RSPO2: variants seen among roughly 807,000 people sequenced by gnomAD.
RSPO2 encodes R-spondin 2, also known as R-spondin-2.
A neutral mutation model predicts 30.9 loss-of-function variants in RSPO2; 14 were observed. That is an observed-to-expected ratio of 0.45 (90% CI 0.30 to 0.71). The LOEUF (loss-of-function observed/expected upper bound fraction) is 0.71. Ranked by LOEUF, RSPO2 falls within the 30% of genes least tolerant of loss-of-function variation. The probability of loss-of-function intolerance (pLI) is 0.08; values close to 1 mark genes in which losing one functional copy is unlikely to be tolerated. For synonymous variants in RSPO2, 107 were observed against 96.4 expected, an observed-to-expected ratio of 1.11 and a Z score of -0.64; for missense variants, 264 against 301.9, an observed-to-expected ratio of 0.87 and a Z score of 0.93.
At position 108,062,626 on chromosome 8, in the gene RSPO2, C is replaced by A. The variant is rs561676945; in HGVS notation, c.94+19919G>T. ...GGTACAAGGAGGAGTTGGTACCATTCCTTCTGAAACTATTCCAATCAACAG... is the reference window on the plus strand; with the variant it reads ...GGTACAAGGAGGAGTTGGTACCATTACTTCTGAAACTATTCCAATCAACAG... On this transcript the variant is annotated intron_variant, in intron 2 of 5. Transcript: ENST00000276659. Among the ~76,000 whole-genome samples, 5 of 151,944 alleles carry A rather than the reference C, an allele frequency of 3.3e-5. 1 individual carries two copies. The highest frequency in any genetic ancestry group is 1.2e-4 in the African/African-American group (5 of 41,258).
intron 2 of RSPO2, among the ~76,000 whole-genome samples, chr8:107,995,368 G>T (rs1024587013): frequency 3.3e-5 from 5 of 152,090 alleles, no homozygotes; most frequent in Non-Finnish European, 7.4e-5. Context: ...CTTTCCAAAT[G>T]CTCCTTTATA....
At chr8:107,925,844 G>C (rs1473505943) in intron 5 of RSPO2, among the ~76,000 whole-genome samples, 1 of 152,148 alleles carries the variant, frequency 6.6e-6, no homozygotes, top group African/African-American at 2.4e-5. Flanking sequence ...TTGCTATTGT[G>C]AGTAGTGCCA....
At chr8:107,942,700 A>G (rs2130379481) in intron 5 of RSPO2, among the ~76,000 whole-genome samples, 1 of 152,294 alleles carries the variant, frequency 6.6e-6, no homozygotes, top group South Asian at 2.1e-4. Context: ...TGCTTTTTCT[A>G]GTTGTTCATG....
chr8:108,051,595 G>C (rs4734169), intron 2 of RSPO2, among the ~76,000 whole-genome samples: 46,067 of 152,080 alleles, frequency 0.3, 7,814 homozygotes, highest in African/African-American at 0.46. Flanking sequence ...TGGGATATAA[G>C]ACATTGTGAA....
intron 2 of RSPO2, among the ~76,000 whole-genome samples, chr8:107,999,842 A>G (rs1257755359): frequency 6.6e-6 from 1 of 152,196 alleles, no homozygotes; most frequent in African/African-American, 2.4e-5. Flanking sequence ...GAAAATTACC[A>G]GAACTATTAG....
intron 5 of RSPO2, among the ~76,000 whole-genome samples, chr8:107,949,585 T>A (rs1813176866): frequency 1.3e-5 from 2 of 152,168 alleles, no homozygotes; most frequent in Non-Finnish European, 2.9e-5. Context: ...TTTGATTCCA[T>A]GGAACTGGAG....
intron 3 of RSPO2, among the ~76,000 whole-genome samples, chr8:107,972,401 C>T (rs931959425): frequency 2.0e-5 from 3 of 152,116 alleles, no homozygotes; most frequent in African/African-American, 7.2e-5. Flanking sequence ...CCTCCTTGGC[C>T]TCCCAAAGTG....
chr8:107,946,753 G>A (rs1055763497), intron 5 of RSPO2, among the ~76,000 whole-genome samples: 5 of 152,164 alleles, frequency 3.3e-5, no homozygotes, highest in African/African-American at 4.8e-5. Flanking sequence ...TGTCATACAT[G>A]ACTAAGCTTT....
Position 107,949,289 on chromosome 8 carries a change from A to G in RSPO2, c.616+8791T>C, listed in dbSNP as rs75138276. On this transcript the variant is annotated intron_variant, in intron 5 of 5. Coordinates refer to ENST00000276659, the MANE Select transcript of RSPO2 (RefSeq NM_178565.5). ...TTTGTTTCTGAGTTACTTCACTTGGAATAATGGTCTCTAACTCCACCCAGG... is the reference window on the plus strand; with the variant it reads ...TTTGTTTCTGAGTTACTTCACTTGGGATAATGGTCTCTAACTCCACCCAGG... Among the ~76,000 whole-genome samples, 1,418 of 152,270 alleles carry G rather than the reference A, an allele frequency of 9.3e-3. 20 individuals are homozygous for G. Among genetic ancestry groups the G allele is most frequent in the African/African-American group, 0.031 (1,275 of 41,546 alleles).
chr8:107,901,774 A>AGGGG (rs1811478057), intron 5 of RSPO2, among the ~76,000 whole-genome samples: 2 of 152,224 alleles, frequency 1.3e-5, no homozygotes, highest in African/African-American at 4.8e-5. Context: ...CTTCTTATCC[A>AGGGG]AATCCCCTGG....
intron 5 of RSPO2, among the ~76,000 whole-genome samples, chr8:107,918,265 C>CTACCTGA (rs1169821798): frequency 1.3e-5 from 2 of 152,122 alleles, no homozygotes; most frequent in Non-Finnish European, 2.9e-5. Flanking sequence ...TTATTTTTCT[C>CTACCTGA]TACCTGATTC....
intron 2 of RSPO2, among the ~76,000 whole-genome samples, chr8:108,017,080 G>A (rs1422105685): frequency 1.3e-5 from 2 of 150,632 alleles, no homozygotes; most frequent in Non-Finnish European, 3.0e-5. Context: ...GCAGTGGCGC[G>A]ATCTCGGCTC....
chr8:107,915,385 C>A (rs1166127966), intron 5 of RSPO2, among the ~76,000 whole-genome samples: 1 of 152,036 alleles, frequency 6.6e-6, no homozygotes, highest in African/African-American at 2.4e-5. Context: ...TTCTGTAGCA[C>A]CGTGGTGGGG....
intron 2 of RSPO2, among the ~76,000 whole-genome samples, chr8:108,063,781 C>T (rs1203101968): frequency 6.6e-6 from 1 of 152,100 alleles, no homozygotes; most frequent in Non-Finnish European, 1.5e-5. Flanking sequence ...TCAAACTATA[C>T]TACAAGGCTA....
intron 2 of RSPO2, among the ~76,000 whole-genome samples, chr8:107,992,521 T>G (rs1814881974): frequency 6.6e-6 from 1 of 152,258 alleles, no homozygotes; most frequent in African/African-American, 2.4e-5. Context: ...AGTTTACCTA[T>G]GTAACAAACC....
intron 5 of RSPO2, among the ~76,000 whole-genome samples, chr8:107,951,367 T>C (rs1813241390): frequency 6.6e-6 from 1 of 152,090 alleles, no homozygotes; most frequent in African/African-American, 2.4e-5. Context: ...TAAGTTGTTC[T>C]AAAAAATGAT....
intron 5 of RSPO2, among the ~76,000 whole-genome samples, chr8:107,908,815 TAGAGAA>T (rs1811732950): frequency 2.0e-5 from 3 of 152,194 alleles, no homozygotes; most frequent in Non-Finnish European, 2.9e-5. Context: ...AATACTGATT[TAGAGAA>T]AAAGCATTAT....
At chr8:108,022,202 C>T (rs571050018) in intron 2 of RSPO2, among the ~76,000 whole-genome samples, 117 of 152,156 alleles carry the variant, frequency 7.7e-4, no homozygotes, top group Non-Finnish European at 1.4e-3. Flanking sequence ...CAAACAGCCA[C>T]GCTCCATCTT....
chr8:108,023,893 C>A (rs1811125376), intron 2 of RSPO2, among the ~76,000 whole-genome samples: 1 of 152,088 alleles, frequency 6.6e-6, no homozygotes, highest in Non-Finnish European at 1.5e-5. Flanking sequence ...TCAATTACAG[C>A]TATAAAACCA....
Sources: gnomAD v4.1 joint callset for allele counts (sites outside exome capture counted in the v4.1 genomes callset) on GRCh38, gnomAD v4.1.1 for gene constraint, MANE v1.5 for transcripts, NCBI Gene and HGNC (gene_info 2026-07-23, HGNC 2026-07-21) for gene names.